The following CYP4X1 variants were observed in gnomAD, a reference collection of about 807,000 sequenced individuals.
CYP4X1 encodes cytochrome P450 4X1.
A neutral mutation model predicts 57.9 loss-of-function variants in CYP4X1; 44 were observed. That is an observed-to-expected ratio of 0.76 (90% confidence interval 0.60 to 0.98). The LOEUF is 0.98. CYP4X1 is among the 50% of genes least tolerant of loss of function. CYP4X1 has a pLI of 0.00. For synonymous variants in CYP4X1, 227 were observed against 228.6 expected (o/e 0.99, Z 0.06); for missense variants, 532 against 623.9 (o/e 0.85, Z 1.57).
chr1:47,054,756 T>C (rs1429838219), downstream of CYP4X1, among the ~76,000 whole-genome samples: 1 of 152,226 alleles, frequency 6.6e-6, no homozygotes, highest in East Asian at 1.9e-4. Context: ...TTGTGATTTT[T>C]GCACATTGAT....
the CYP4X1 span, among the ~76,000 whole-genome samples, chr1:46,991,007 C>T: frequency 4.8e-3 from 721 of 151,122 alleles, 12 homozygotes; most frequent in East Asian, 0.045. Context: ...ATGTAACAAA[C>T]CTGCACGTTC....
the CYP4X1 span, among the ~76,000 whole-genome samples, chr1:46,978,138 A>G: frequency 6.6e-6 from 1 of 152,128 alleles, no homozygotes; most frequent in African/African-American, 2.4e-5. Context: ...TTAACCTTAA[A>G]TGTAAATGGG....
intron 6 of CYP4X1, among the ~76,000 whole-genome samples, chr1:47,036,838 A>G (rs1170672427): frequency 6.6e-6 from 1 of 152,154 alleles, no homozygotes; most frequent in African/African-American, 2.4e-5. Context: ...AATATATATA[A>G]AGCATTTAGG....
At chr1:47,031,162 G>A (rs1644119770) in intron 2 of CYP4X1, among the ~76,000 whole-genome samples, 1 of 152,242 alleles carries the variant, frequency 6.6e-6, no homozygotes, top group Non-Finnish European at 1.5e-5. Flanking sequence ...CAACCCTCAG[G>A]CAAACTCTGT....
chr1:46,987,100 A>G, the CYP4X1 span, among the ~76,000 whole-genome samples: 7 of 152,356 alleles, frequency 4.6e-5, no homozygotes, highest in South Asian at 1.4e-3. Flanking sequence ...TAAAGAGTCA[A>G]GATCCATTGG....
the CYP4X1 span, among the ~76,000 whole-genome samples, chr1:47,012,944 T>C: frequency 1.3e-5 from 2 of 152,362 alleles, no homozygotes; most frequent in East Asian, 3.9e-4. Flanking sequence ...CTTATTTCTA[T>C]ACATTTAAAC....
chr1:46,995,151 A>G, the CYP4X1 span, among the ~76,000 whole-genome samples: 2 of 149,982 alleles, frequency 1.3e-5, no homozygotes, highest in African/African-American at 4.9e-5. Context: ...CAGGCTCACT[A>G]TATATGTTGA....
chr1:47,018,174 C>T, the CYP4X1 span, among the ~76,000 whole-genome samples: 2 of 152,064 alleles, frequency 1.3e-5, no homozygotes, highest in African/African-American at 4.8e-5. Flanking sequence ...TGAAGATGAA[C>T]TGGGGAGGAA....
chr1:47,031,501 G>A, intron 3 of CYP4X1, 21 bp downstream of exon 3: 1 of 1,612,954 alleles, frequency 6.2e-7, no homozygotes, highest in Non-Finnish European at 8.5e-7. Context: ...GCAAATGAGA[G>A]GTATAACCCA....
the CYP4X1 span, chr1:46,961,514 C>G: frequency 8.5e-7 from 1 of 1,176,114 alleles, no homozygotes; most frequent in Non-Finnish European, 1.1e-6. Context: ...TATGTCAAAG[C>G]TGTGTGTAGC....
At chr1:47,039,638 G>A in intron 8 of CYP4X1, 106 bp downstream of exon 8, 1 of 751,676 alleles carries the variant, frequency 1.3e-6, no homozygotes, top group Non-Finnish European at 1.9e-6. Flanking sequence ...ATATGTGTAG[G>A]TGAAACAGAA....
intron 6 of CYP4X1, among the ~76,000 whole-genome samples, chr1:47,037,306 C>CT (rs1165766531): frequency 1.6e-5 from 2 of 126,902 alleles, no homozygotes; most frequent in Admixed American, 1.9e-4. Flanking sequence ...GATGGAGTCT[C>CT]TATCACTCAG....
the CYP4X1 span, among the ~76,000 whole-genome samples, chr1:46,970,103 A>C: frequency 2.6e-5 from 4 of 152,350 alleles, no homozygotes; most frequent in South Asian, 6.2e-4. Flanking sequence ...AATTAAGTCA[A>C]AAGGTGGTGT....
At chr1:47,055,112 T>G (rs941869255), downstream of CYP4X1, among the ~76,000 whole-genome samples, 15 of 152,254 alleles carry the variant, frequency 9.9e-5, no homozygotes, top group African/African-American at 2.2e-4. Flanking sequence ...CTAATTTATT[T>G]AGAGTTTTTA....
At chr1:47,033,539 T>C (rs1406713549) in intron 4 of CYP4X1, among the ~76,000 whole-genome samples, 171 bp downstream of exon 4, 1 of 152,210 alleles carries the variant, frequency 6.6e-6, no homozygotes, top group Non-Finnish European at 1.5e-5. Context: ...TTATGTTCTT[T>C]GAGTGATAAT....
At chr1:47,013,055 C>A in the CYP4X1 span, among the ~76,000 whole-genome samples, 1 of 151,718 alleles carries the variant, frequency 6.6e-6, no homozygotes, top group Non-Finnish European at 1.5e-5. Context: ...GTCACCATAC[C>A]GTTTTCTCGA....
chr1:47,038,091 T>C (rs890846283), intron 6 of CYP4X1, among the ~76,000 whole-genome samples: 1 of 152,160 alleles, frequency 6.6e-6, no homozygotes, highest in African/African-American at 2.4e-5. Context: ...TTTTCAACAT[T>C]AATAGACCTT....
At chr1:47,019,072 A>G (rs188547400), upstream of CYP4X1, among the ~76,000 whole-genome samples, 26 of 152,256 alleles carry the variant, frequency 1.7e-4, no homozygotes, top group African/African-American at 6.0e-4. Context: ...TCAAAATTAC[A>G]AAGTTTTTTC....
the CYP4X1 span, among the ~76,000 whole-genome samples, chr1:46,979,505 G>C: frequency 6.6e-6 from 1 of 152,098 alleles, no homozygotes; most frequent in African/African-American, 2.4e-5. Context: ...ACCAAAAAGA[G>C]TCCACAACCA....
Sources: allele counts gnomAD v4.1 joint callset (sites outside exome capture counted in the v4.1 genomes callset), GRCh38; gene constraint gnomAD v4.1.1; transcripts MANE v1.5; gene names NCBI Gene and HGNC (gene_info 2026-07-23, HGNC 2026-07-21).